Variants in PLEKHA2 observed in about 807,000 individuals in gnomAD.
The protein encoded by PLEKHA2 is pleckstrin homology domain containing A2.
Under a neutral mutation model 53.2 loss-of-function variants are expected in PLEKHA2, and 28 were observed. The observed-to-expected ratio is 0.53, with a 90% CI of 0.39 to 0.72. The LOEUF is 0.72. PLEKHA2 is among the 30% of genes least tolerant of loss of function. The pLI is 0.00. For synonymous variants in PLEKHA2, 193 were observed against 196.4 expected (o/e 0.98, Z 0.14); for missense variants, 426 against 537.9 (o/e 0.79, Z 2.06).
At chr8:38,950,141 A>G (rs377211517) in intron 5 of PLEKHA2, among the ~76,000 whole-genome samples, 15 of 152,258 alleles carry the variant, frequency 9.9e-5, no homozygotes, top group African/African-American at 3.6e-4. Context: ...TCCTGGGCTC[A>G]AGAGATTCTC....
chr8:38,937,705 T>A (rs1355887195), intron 3 of PLEKHA2, among the ~76,000 whole-genome samples: 10 of 152,172 alleles, frequency 6.6e-5, no homozygotes, highest in Non-Finnish European at 1.3e-4. Context: ...TGGGTCGGGT[T>A]ACACAGAGCT....
At position 38,972,167 on chromosome 8, in the gene PLEKHA2, G is replaced by C. The variant is rs1835262727; in HGVS notation, c.*2384G>C. The C allele has an allele frequency of 6.6e-6, 1 of 151,880 alleles. No homozygotes were observed. Among genetic ancestry groups the C allele is most frequent in the East Asian group, 1.9e-4 (1 of 5,196 alleles). The allele number at this position is 151,880 out of a possible 1,614,324, so 9.4% of individuals were successfully genotyped here. A position where few individuals can be genotyped will look rare whatever the true frequency, so the allele number is the denominator to read the frequency against. On this transcript the variant is annotated 3_prime_UTR_variant, in exon 12 of 12. Transcript: ENST00000617275. Reference sequence around the variant, plus strand: ...AAACACTTGGGAATTCCACATTAGAGCATTGCTTGTTTTTAATTTTTTTTT... The same window carrying C: ...AAACACTTGGGAATTCCACATTAGACCATTGCTTGTTTTTAATTTTTTTTT...
intron 9 of PLEKHA2, among the ~76,000 whole-genome samples, chr8:38,953,968 G>A (rs1232669166): frequency 6.6e-6 from 1 of 152,172 alleles, no homozygotes; most frequent in East Asian, 1.9e-4. Flanking sequence ...TTGGGACCTG[G>A]CAAGGGATCT....
At chr8:38,905,493 A>G (rs907430329) in intron 1 of PLEKHA2, among the ~76,000 whole-genome samples, 7 of 150,428 alleles carry the variant, frequency 4.7e-5, no homozygotes, top group Admixed American at 1.3e-4. Context: ...ACTCATACTG[A>G]TTATTGTCAC....
At chr8:38,956,616 A>G (rs1016874262) in intron 9 of PLEKHA2, among the ~76,000 whole-genome samples, 1 of 152,192 alleles carries the variant, frequency 6.6e-6, no homozygotes, top group Non-Finnish European at 1.5e-5. Flanking sequence ...CCTGAGCAAC[A>G]TGGAAACACC....
intron 3 of PLEKHA2, among the ~76,000 whole-genome samples, chr8:38,941,931 A>G (rs188496322): frequency 7.4e-4 from 112 of 152,298 alleles, no homozygotes; most frequent in African/African-American, 2.7e-3. Context: ...GGGCAATATT[A>G]ATTTTGGTTA....
At position 38,970,802 on chromosome 8, in the gene PLEKHA2, A is replaced by C. The variant is rs1487560952; in HGVS notation, c.*1019A>C. 2 of 152,256 alleles carry C rather than the reference A, an allele frequency of 1.3e-5. No homozygotes were observed. The highest frequency in any genetic ancestry group is 2.9e-5 in the Non-Finnish European group (2 of 68,076). 9.4% of individuals were successfully genotyped at this position (152,256 alleles called of 1,614,324 possible). ...AACAAGAGTGAAACTCCGTCTCAAA[A>C]TATAAAAGAAAATTGAGTGTCCCAC... On this transcript the variant is annotated 3_prime_UTR_variant, in exon 12 of 12. Transcript: ENST00000617275.
intron 1 of PLEKHA2, among the ~76,000 whole-genome samples, chr8:38,907,302 C>T (rs1474752103): frequency 2.0e-5 from 3 of 152,110 alleles, no homozygotes; most frequent in Admixed American, 2.0e-4. Flanking sequence ...AAGGCTTTAT[C>T]TCTGTTATCA....
At chr8:38,936,311 G>A (rs1564128357) in intron 3 of PLEKHA2, among the ~76,000 whole-genome samples, 2 of 152,174 alleles carry the variant, frequency 1.3e-5, no homozygotes, top group East Asian at 3.8e-4. Flanking sequence ...CCCAGCTCCT[G>A]CGCAGGAGGT....
intron 5 of PLEKHA2, among the ~76,000 whole-genome samples, chr8:38,948,932 G>A (rs768536165): frequency 3.9e-5 from 6 of 152,116 alleles, no homozygotes; most frequent in South Asian, 2.1e-4. Flanking sequence ...GTGCAATGGC[G>A]TGATCTCGGC....
intron 3 of PLEKHA2, among the ~76,000 whole-genome samples, chr8:38,936,577 C>T (rs1349885401): frequency 6.6e-6 from 1 of 152,240 alleles, no homozygotes; most frequent in Non-Finnish European, 1.5e-5. Context: ...ATTCAGCAGC[C>T]AGATAACTGC....
At chr8:38,902,221 G>A (rs527790322) in intron 1 of PLEKHA2, among the ~76,000 whole-genome samples, 1 of 65,998 alleles carries the variant, frequency 1.5e-5, no homozygotes, top group Admixed American at 1.3e-4. Flanking sequence ...AGAAGGGTGT[G>A]GGGGGGGGTG....
intron 4 of PLEKHA2, among the ~76,000 whole-genome samples, chr8:38,945,721 T>C (rs1470655843): frequency 6.6e-6 from 1 of 152,212 alleles, no homozygotes; most frequent in Non-Finnish European, 1.5e-5. Context: ...TCCAGACCAG[T>C]TGTGCCAGAG....
intron 1 of PLEKHA2, among the ~76,000 whole-genome samples, chr8:38,916,092 C>T (rs867543001): frequency 3.3e-5 from 5 of 152,302 alleles, no homozygotes; most frequent in Middle Eastern, 3.4e-3. Flanking sequence ...TCTCCTACCT[C>T]AGCCTCCTGA....
At chr8:38,955,762 A>G (rs1469125165) in intron 9 of PLEKHA2, among the ~76,000 whole-genome samples, 1 of 151,570 alleles carries the variant, frequency 6.6e-6, no homozygotes, top group Admixed American at 6.6e-5. Flanking sequence ...GTCCTTTCCA[A>G]CTCTTGGCAT....
At chr8:38,918,777 A>T (rs991724695) in intron 2 of PLEKHA2, among the ~76,000 whole-genome samples, 2 of 152,086 alleles carry the variant, frequency 1.3e-5, no homozygotes, top group African/African-American at 2.4e-5. Flanking sequence ...ACACACACAT[A>T]TACACACAGA....
At position 38,940,660 on chromosome 8, in the gene PLEKHA2, G is replaced by GC. The variant is rs1194081751; in HGVS notation, c.199-3129_199-3128insC. The stretch of plus-strand genomic sequence containing the variant: ...TCCAGATTGAAGGGGCGGGGGGGGG[G>GC]GGTCAGAAACCCAGGAAGCAAGATG... On this transcript the variant is annotated intron_variant, in intron 3 of 11. Coordinates refer to ENST00000617275, the MANE Select transcript of PLEKHA2 (RefSeq NM_021623.2). Among the ~76,000 whole-genome samples, 12 of 97,952 alleles carry GC rather than the reference G, an allele frequency of 1.2e-4. No individual in the cohort carries two copies. In the South Asian group the frequency reaches 1.7e-3, roughly 14 times the overall value. 64.3% of individuals were successfully genotyped at this position (97,952 alleles called of 152,430 possible).
At chr8:38,969,009 C>T (rs1376840030) in intron 11 of PLEKHA2, 6 of 315,424 alleles carry the variant, frequency 1.9e-5, no homozygotes, top group Non-Finnish European at 3.5e-5. Context: ...AGTGATTCTC[C>T]TGCCTCAGCC....
chr8:38,943,831 TG>T lies in PLEKHA2; in HGVS notation c.242del (p.Cys81SerfsTer21). On this transcript the variant is annotated frameshift_variant, in exon 4 of 12. Transcript: ENST00000617275. LOFTEE classifies it high-confidence loss of function. ...TPKQKPKTPF[C>X]FVINALSQRY... ...AAAACAGAAACCAAAAACTCCATTT[TG>T]CTTTGGTAAGTACTGAGCCAGGGGA... is the stretch of plus-strand genomic sequence containing the variant. The T allele has an allele frequency of 6.3e-7, 1 of 1,584,118 alleles. No individual in the cohort carries two copies. Among genetic ancestry groups the T allele is most frequent in the Non-Finnish European group, 8.6e-7 (1 of 1,164,612 alleles).
Sources: gnomAD v4.1 joint callset for allele counts (sites outside exome capture counted in the v4.1 genomes callset) on GRCh38, gnomAD v4.1.1 for gene constraint, MANE v1.5 for transcripts, NCBI Gene and HGNC (gene_info 2026-07-23, HGNC 2026-07-21) for gene names.